DCLK2: variants seen among roughly 807,000 people sequenced by gnomAD.
DCLK2 encodes the protein doublecortin like kinase 2.
Under a neutral mutation model 78.4 loss-of-function variants are expected in DCLK2, and 31 were observed. That is an observed-to-expected ratio of 0.40 (90% CI 0.30 to 0.53). The LOEUF is 0.53. DCLK2 is among the 20% of genes least tolerant of loss of function. DCLK2 has a pLI of 0.61. For missense variants in DCLK2, 872 were observed against 973.7 expected (o/e 0.90, Z 1.39); for synonymous variants, 407 against 374.9 (o/e 1.09, Z -0.99).
At chr4:150,207,636 T>G (rs895541666) in intron 5 of DCLK2, among the ~76,000 whole-genome samples, 10 of 152,236 alleles carry the variant, frequency 6.6e-5, no homozygotes, top group African/African-American at 2.4e-4. Flanking sequence ...AGGAAAGCTT[T>G]CTTCAACTTG....
chr4:150,100,321 T>G (rs1730800161), intron 1 of DCLK2, among the ~76,000 whole-genome samples: 1 of 152,242 alleles, frequency 6.6e-6, no homozygotes, highest in South Asian at 2.1e-4. Context: ...TTTACCTACT[T>G]CATTCTAACA....
In DCLK2 at chr4:150,210,968, G is replaced by A. The variant is rs200169667; in HGVS notation, c.1056+7079G>A. 1.1e-3 allele frequency among the ~76,000 whole-genome samples: 144 copies of A among 126,268 alleles called. 9 individuals are homozygous for A. Among genetic ancestry groups the A allele is most frequent in the Middle Eastern group, 4.4e-3 (1 of 228 alleles). 82.8% of individuals were successfully genotyped at this position (126,268 alleles called of 152,430 possible). ...TGTCTCAAAAAAAAAAAAAAAGAAA[G>A]AAAGAAAAAGGTTATCCCAAAATTT... On this transcript the variant is annotated intron_variant, in intron 5 of 15. Coordinates refer to ENST00000296550, the MANE Select transcript of DCLK2 (RefSeq NM_001040260.4).
At chr4:150,126,385 G>T (rs1732921173) in intron 2 of DCLK2, among the ~76,000 whole-genome samples, 1 of 152,138 alleles carries the variant, frequency 6.6e-6, no homozygotes, top group Admixed American at 6.5e-5. Flanking sequence ...TTAAGTCAGG[G>T]TGAGTCTATT....
intron 1 of DCLK2, among the ~76,000 whole-genome samples, chr4:150,081,830 TAAAAAAA>T (rs144505113): frequency 7.0e-6 from 1 of 143,140 alleles, no homozygotes; most frequent in Non-Finnish European, 1.5e-5. Context: ...CATCTCTACT[TAAAAAAA>T]AAAAAAAAAA....
intron 7 of DCLK2, among the ~76,000 whole-genome samples, chr4:150,222,543 G>C (rs1273621814): frequency 6.6e-6 from 1 of 152,014 alleles, no homozygotes. Context: ...CTCTGACTCT[G>C]TTTAAGATCA....
chr4:150,130,867 G>C (rs1192248390), intron 2 of DCLK2, among the ~76,000 whole-genome samples: 3 of 151,972 alleles, frequency 2.0e-5, no homozygotes, highest in Non-Finnish European at 4.4e-5. Context: ...TTTTTAAAAA[G>C]CTTCTTCATT....
At chr4:150,135,472 C>A (rs561874120) in intron 2 of DCLK2, among the ~76,000 whole-genome samples, 1 of 152,214 alleles carries the variant, frequency 6.6e-6, no homozygotes, top group South Asian at 2.1e-4. Context: ...GCTCTGAGTT[C>A]AGTACAAGAC....
chr4:150,080,202 A>T (rs1729151695), intron 1 of DCLK2, among the ~76,000 whole-genome samples: 1 of 151,926 alleles, frequency 6.6e-6, no homozygotes, highest in African/African-American at 2.4e-5. Flanking sequence ...AAGGTAAATC[A>T]AGGTCAATCT....
intron 2 of DCLK2, among the ~76,000 whole-genome samples, chr4:150,128,259 A>AAACCATGACTTAATTTGACCC (rs1195633733): frequency 6.6e-6 from 1 of 152,140 alleles, no homozygotes; most frequent in African/African-American, 2.4e-5. Flanking sequence ...CAAGGTTGGG[A>AAACCATGACTTAATTTGACCC]AACCATGACT....
At chr4:150,254,308 A>T (rs1560919854) in intron 15 of DCLK2, 1 of 398,216 alleles carries the variant, frequency 2.5e-6, no homozygotes, top group Non-Finnish European at 4.4e-6. Flanking sequence ...GCCTTAATTT[A>T]AGATAGACAA....
At chr4:150,102,904 T>C in intron 2 of DCLK2, 92 bp downstream of exon 2, 1 of 1,210,138 alleles carries the variant, frequency 8.3e-7, no homozygotes, top group South Asian at 1.6e-5. Flanking sequence ...TTTAGTAGTG[T>C]GCTAGAAATC....
chr4:150,257,424 C>T lies in DCLK2; in HGVS notation c.*1177C>T, dbSNP rs1244000160. ...TGTCCCCAACCTGCAATAAACTTTT[C>T]CCTCTTGAAAAAAAGTAATCAGGGA... On this transcript the variant is annotated 3_prime_UTR_variant, in exon 16 of 16. Coordinates refer to ENST00000296550, the MANE Select transcript of DCLK2 (RefSeq NM_001040260.4). 6.6e-6 allele frequency: 1 copy of T among 152,486 alleles called. No homozygotes were observed. Among genetic ancestry groups the T allele is most frequent in the Non-Finnish European group, 1.5e-5 (1 of 68,022 alleles). The allele number at this position is 152,486 out of a possible 1,614,324, so 9.4% of individuals were successfully genotyped here.
chr4:150,239,359 AG>A (rs1414131096), intron 10 of DCLK2, among the ~76,000 whole-genome samples: 2 of 152,104 alleles, frequency 1.3e-5, no homozygotes, highest in Admixed American at 6.5e-5. Flanking sequence ...GCACTTTGGG[AG>A]GCTGAGGTGG....
At chr4:150,218,140 C>A (rs1321513515) in intron 5 of DCLK2, among the ~76,000 whole-genome samples, 1 of 135,316 alleles carries the variant, frequency 7.4e-6, no homozygotes, top group African/African-American at 2.7e-5. Context: ...CTCAAGGCTT[C>A]AGCCTAGGTG....
At chr4:150,163,016 C>A (rs2150246668) in intron 2 of DCLK2, among the ~76,000 whole-genome samples, 1 of 152,302 alleles carries the variant, frequency 6.6e-6, no homozygotes, top group African/African-American at 2.4e-5. Context: ...CGCAACACAT[C>A]TTTCTTTCTT....
At chr4:150,081,459 A>G (rs183139013) in intron 1 of DCLK2, among the ~76,000 whole-genome samples, 1 of 152,328 alleles carries the variant, frequency 6.6e-6, no homozygotes, top group East Asian at 1.9e-4. Flanking sequence ...AACATTATCT[A>G]TGGAGTCCAA....
At chr4:150,230,095 C>G (rs577377621) in intron 8 of DCLK2, among the ~76,000 whole-genome samples, 1 of 152,120 alleles carries the variant, frequency 6.6e-6, no homozygotes, top group African/African-American at 2.4e-5. Context: ...GCTAACAGCT[C>G]CCATGTTTTA....
chr4:150,203,299 C>T (rs1411537343), intron 4 of DCLK2, among the ~76,000 whole-genome samples: 1 of 152,176 alleles, frequency 6.6e-6, no homozygotes, highest in Non-Finnish European at 1.5e-5. Flanking sequence ...TTTCCCTTTT[C>T]ATTAAGAAAA....
intron 5 of DCLK2, among the ~76,000 whole-genome samples, chr4:150,209,976 G>T (rs1385299545): frequency 2.0e-5 from 3 of 152,206 alleles, no homozygotes; most frequent in Non-Finnish European, 4.4e-5. Flanking sequence ...TCGGGAGGCT[G>T]AAGCAGGAGA....
Sources: allele counts gnomAD v4.1 joint callset (sites outside exome capture counted in the v4.1 genomes callset), GRCh38; gene constraint gnomAD v4.1.1; transcripts MANE v1.5; gene names NCBI Gene and HGNC (gene_info 2026-07-23, HGNC 2026-07-21).